The following DPYD variants were observed in gnomAD, a reference collection of about 807,000 sequenced individuals.
DPYD encodes dihydropyrimidine dehydrogenase [NADP(+)].
DPYD carries 109 observed loss-of-function variants against 116.2 expected under a neutral mutation model. The observed-to-expected ratio is 0.94, with a 90% confidence interval of 0.80 to 1.10. The LOEUF is 1.10. DPYD is among the 50% of genes least tolerant of loss of function. The pLI is 0.00. For missense variants in DPYD, 1,302 were observed against 1,254.5 expected (o/e 1.04, Z -0.57); for synonymous variants, 440 against 432.0 (o/e 1.02, Z -0.23).
chr1:97,087,731 G>C (rs1649615566), intron 21 of DPYD, among the ~76,000 whole-genome samples: 1 of 152,142 alleles, frequency 6.6e-6, no homozygotes, highest in Non-Finnish European at 1.5e-5. Context: ...TTTAATGAAG[G>C]TAAGTGTATT....
At chr1:97,504,607 T>C (rs1248362628) in intron 13 of DPYD, among the ~76,000 whole-genome samples, 2 of 152,022 alleles carry the variant, frequency 1.3e-5, no homozygotes, top group East Asian at 3.9e-4. Flanking sequence ...TGAAGAATGC[T>C]TGGAGGTACC....
At chr1:97,803,961 CTT>C (rs1412912875) in intron 3 of DPYD, among the ~76,000 whole-genome samples, 8 of 151,688 alleles carry the variant, frequency 5.3e-5, no homozygotes, top group Non-Finnish European at 1.2e-4. Flanking sequence ...GTGAAAATAA[CTT>C]TGAAAATATT....
At chr1:97,153,867 T>C (rs1445040085) in intron 20 of DPYD, among the ~76,000 whole-genome samples, 1 of 150,356 alleles carries the variant, frequency 6.7e-6, no homozygotes, top group East Asian at 2.0e-4. Context: ...TGAAAACAAA[T>C]GGCCAACAAG....
chr1:97,658,181 A>G (rs1250790073), intron 8 of DPYD, among the ~76,000 whole-genome samples: 1 of 152,104 alleles, frequency 6.6e-6, no homozygotes, highest in African/African-American at 2.4e-5. Context: ...AATTAGTTTT[A>G]TGTTTTAGTT....
chr1:97,325,344 T>C (rs1668658299), intron 16 of DPYD, among the ~76,000 whole-genome samples: 1 of 152,024 alleles, frequency 6.6e-6, no homozygotes. Context: ...CCTTTCAAAT[T>C]GCTACTATTC....
chr1:97,103,053 G>A (rs578238281), intron 20 of DPYD, among the ~76,000 whole-genome samples: 2 of 152,146 alleles, frequency 1.3e-5, no homozygotes, highest in East Asian at 3.9e-4. Context: ...GGTTCTCTGA[G>A]TCTGTTTCAT....
intron 14 of DPYD, among the ~76,000 whole-genome samples, chr1:97,399,586 A>C (rs1220336034): frequency 1.3e-5 from 2 of 152,140 alleles, no homozygotes; most frequent in African/African-American, 4.8e-5. Context: ...ATGAGCATGG[A>C]ATGTTCTTCC....
intron 19 of DPYD, among the ~76,000 whole-genome samples, chr1:97,204,633 C>T (rs1452354040): frequency 6.6e-6 from 1 of 152,050 alleles, no homozygotes; most frequent in African/African-American, 2.4e-5. Flanking sequence ...ATACCAGGAC[C>T]AGCAGTATAA....
chr1:97,095,699 T>C (rs151171255), intron 21 of DPYD, among the ~76,000 whole-genome samples: 215 of 152,162 alleles, frequency 1.4e-3, no homozygotes, highest in African/African-American at 5.0e-3. Context: ...TACACAGTTT[T>C]ATATTTATAA....
chr1:97,375,402 T>C (rs189168049), intron 15 of DPYD, among the ~76,000 whole-genome samples: 2 of 152,358 alleles, frequency 1.3e-5, no homozygotes, highest in Admixed American at 1.3e-4. Flanking sequence ...GTTGATAGTC[T>C]TGCCTATCTT....
intron 8 of DPYD, among the ~76,000 whole-genome samples, chr1:97,610,861 T>TA (rs1213530718): frequency 6.6e-6 from 1 of 152,040 alleles, no homozygotes; most frequent in Non-Finnish European, 1.5e-5. Flanking sequence ...AGTACATTGA[T>TA]ACATCTGGGG....
At chr1:97,805,517 A>C (rs1390655799) in intron 3 of DPYD, among the ~76,000 whole-genome samples, 3 of 151,840 alleles carry the variant, frequency 2.0e-5, no homozygotes, top group Non-Finnish European at 4.4e-5. Flanking sequence ...TCAATCCATG[A>C]CTTTGATTAC....
Position 97,736,020 on chromosome 1 carries a change from AAGAG to A in DPYD, c.321+4368_321+4371del, listed in dbSNP as rs774203309. Reference sequence around the variant, plus strand: ...GTATCTAATAAGAGCTTCATAAAGAAAGAGAGACAGTGAGATATTTCCCAACATG... The same window carrying A: ...GTATCTAATAAGAGCTTCATAAAGAAAGACAGTGAGATATTTCCCAACATG... On this transcript the variant is annotated intron_variant, in intron 4 of 22. Coordinates refer to ENST00000370192, the MANE Select transcript of DPYD (RefSeq NM_000110.4). 7.2e-5 allele frequency among the ~76,000 whole-genome samples: 11 copies of A among 152,090 alleles called. No homozygotes were observed. In the East Asian group the frequency reaches 1.3e-3, roughly 19 times the overall value.
At chr1:97,210,357 A>G (rs1012402120) in intron 19 of DPYD, among the ~76,000 whole-genome samples, 5 of 152,130 alleles carry the variant, frequency 3.3e-5, no homozygotes, top group Admixed American at 6.6e-5. Context: ...AAGATTCATA[A>G]TCTTCTAAAA....
At chr1:97,540,709 C>T (rs561331409) in intron 12 of DPYD, among the ~76,000 whole-genome samples, 24 of 152,284 alleles carry the variant, frequency 1.6e-4, no homozygotes, top group African/African-American at 5.3e-4. Flanking sequence ...AACCTTCAGC[C>T]CCTTGACTCT....
chr1:97,455,756 C>T (rs1181135289), intron 13 of DPYD, among the ~76,000 whole-genome samples: 1 of 151,798 alleles, frequency 6.6e-6, no homozygotes, highest in East Asian at 1.9e-4. Context: ...TTGATTCCTC[C>T]ACAAAATAAA....
chr1:97,256,538 G>A (rs1397106481), intron 18 of DPYD, among the ~76,000 whole-genome samples: 1 of 152,042 alleles, frequency 6.6e-6, no homozygotes, highest in Non-Finnish European at 1.5e-5. Flanking sequence ...CTCTTTGCCT[G>A]CTGTTATCCA....
At chr1:97,774,253 T>C (rs891754953) in intron 3 of DPYD, among the ~76,000 whole-genome samples, 8 of 152,168 alleles carry the variant, frequency 5.3e-5, no homozygotes, top group Non-Finnish European at 1.0e-4. Context: ...CTGTAGGATC[T>C]GCCACTCTTC....
intron 2 of DPYD, among the ~76,000 whole-genome samples, chr1:97,845,998 C>T (rs1045204844): frequency 2.0e-5 from 3 of 152,242 alleles, no homozygotes; most frequent in Non-Finnish European, 4.4e-5. Context: ...GGACCCCACA[C>T]TCACTCACTC....
Sources: gnomAD v4.1 joint callset for allele counts (sites outside exome capture counted in the v4.1 genomes callset) on GRCh38, gnomAD v4.1.1 for gene constraint, MANE v1.5 for transcripts, NCBI Gene and HGNC (gene_info 2026-07-23, HGNC 2026-07-21) for gene names.